The following LINGO2 variants were observed in gnomAD, a reference collection of about 807,000 sequenced individuals.
LINGO2 encodes leucine-rich repeat and immunoglobulin-like domain-containing nogo receptor-interacting protein 2.
Under a neutral mutation model 30.6 loss-of-function variants are expected in LINGO2, and 14 were observed. The ratio of observed to expected loss-of-function variants is 0.46; its 90% confidence interval spans 0.30 to 0.72. The LOEUF (loss-of-function observed/expected upper bound fraction) is 0.72. Ranked by LOEUF, LINGO2 falls within the 30% of genes least tolerant of loss-of-function variation. LINGO2 has a pLI of 0.07. For missense variants in LINGO2, 729 were observed against 751.7 expected, an observed-to-expected ratio of 0.97 and a Z score of 0.35; for synonymous variants, 317 against 288.5, an observed-to-expected ratio of 1.10 and a Z score of -1.00.
intron 4 of LINGO2, among the ~76,000 whole-genome samples, chr9:28,245,426 C>T (rs545935610): frequency 6.6e-6 from 1 of 152,226 alleles, no homozygotes; most frequent in South Asian, 2.1e-4. Context: ...CACTCCTATT[C>T]AACATAGTAT....
At chr9:28,443,791 G>A (rs1348688601) in intron 2 of LINGO2, among the ~76,000 whole-genome samples, 1 of 152,174 alleles carries the variant, frequency 6.6e-6, no homozygotes, top group Non-Finnish European at 1.5e-5. Flanking sequence ...ACCACAAACA[G>A]CACGTTGATG....
chr9:28,088,000 C>A (rs1825962845), intron 4 of LINGO2, among the ~76,000 whole-genome samples: 1 of 151,974 alleles, frequency 6.6e-6, no homozygotes, highest in African/African-American at 2.4e-5. Context: ...TATTCCTTGA[C>A]AGTTCATGCT....
chr9:29,044,811 C>A, the LINGO2 span, among the ~76,000 whole-genome samples: 2 of 151,974 alleles, frequency 1.3e-5, no homozygotes, highest in Non-Finnish European at 2.9e-5. Context: ...CTGGAGCCTA[C>A]GTACACTGCT....
intron 4 of LINGO2, among the ~76,000 whole-genome samples, chr9:28,064,797 C>A (rs1229157577): frequency 6.6e-6 from 1 of 152,042 alleles, no homozygotes; most frequent in East Asian, 1.9e-4. Context: ...CAAAACCAAA[C>A]CTGGTGCCTT....
intron 4 of LINGO2, among the ~76,000 whole-genome samples, chr9:28,246,785 G>A (rs754095378): frequency 1.1e-4 from 17 of 152,070 alleles, no homozygotes; most frequent in Non-Finnish European, 2.2e-4. Context: ...CTTCTGCACA[G>A]CAAAAGAAAC....
intron 3 of LINGO2, among the ~76,000 whole-genome samples, chr9:28,301,454 A>G (rs185651601): frequency 1.3e-5 from 2 of 152,182 alleles, no homozygotes; most frequent in East Asian, 3.9e-4. Context: ...CATCAAAATT[A>G]TGAGAGTGTT....
Position 28,301,790 on chromosome 9 carries a change from G to T in LINGO2, c.-245-6424C>A, listed in dbSNP as rs897400274. ...ATACATAATCATCAGGTTTTCCAAG[G>T]TCTAAATGAAATACAGAATGTTAAA... On this transcript the variant is annotated intron_variant, in intron 3 of 5. Transcript: ENST00000379992. 2.5e-4 allele frequency among the ~76,000 whole-genome samples: 38 copies of T among 152,154 alleles called. 1 individual carries two copies. Among genetic ancestry groups the T allele is most frequent in the African/African-American group, 8.7e-4 (36 of 41,526 alleles).
intron 1 of LINGO2, among the ~76,000 whole-genome samples, chr9:28,630,891 GAA>G (rs66593842): frequency 0.085 from 11,945 of 140,384 alleles, 659 homozygotes; most frequent in Admixed American, 0.21. Flanking sequence ...TGCACATAAA[GAA>G]AAAAAAAAAA....
intron 2 of LINGO2, among the ~76,000 whole-genome samples, chr9:28,461,533 A>G (rs925174770): frequency 1.3e-5 from 2 of 152,206 alleles, no homozygotes; most frequent in Non-Finnish European, 2.9e-5. Flanking sequence ...AAGAAATGTT[A>G]GATTCTTAAA....
chr9:28,883,306 T>C, the LINGO2 span, among the ~76,000 whole-genome samples: 777 of 152,138 alleles, frequency 5.1e-3, 15 homozygotes, highest in East Asian at 0.053. Flanking sequence ...GTGATTCTCC[T>C]ACCTCACAGG....
intron 3 of LINGO2, among the ~76,000 whole-genome samples, chr9:28,339,750 C>T (rs10491897): frequency 0.22 from 33,584 of 152,098 alleles, 4,522 homozygotes; most frequent in Non-Finnish European, 0.3. Flanking sequence ...ATATTATTTA[C>T]TGTTTCCAGG....
chr9:28,419,010 TC>T (rs1823081583), intron 2 of LINGO2, among the ~76,000 whole-genome samples: 1 of 152,166 alleles, frequency 6.6e-6, no homozygotes, highest in East Asian at 1.9e-4. Flanking sequence ...TTTTGATCAG[TC>T]CAGAGTAAGT....
At chr9:28,532,106 ACT>A (rs1364337942) in intron 1 of LINGO2, among the ~76,000 whole-genome samples, 1 of 151,978 alleles carries the variant, frequency 6.6e-6, no homozygotes, top group Non-Finnish European at 1.5e-5. Flanking sequence ...GAGAGCAAGG[ACT>A]CTCATTTTAA....
At chr9:28,030,117 C>T (rs945192404) in intron 4 of LINGO2, among the ~76,000 whole-genome samples, 4 of 152,178 alleles carry the variant, frequency 2.6e-5, no homozygotes, top group African/African-American at 7.2e-5. Flanking sequence ...TTGGCTATCA[C>T]TGATCATTCA....
the LINGO2 span, among the ~76,000 whole-genome samples, chr9:29,061,488 A>T: frequency 1.3e-5 from 2 of 151,972 alleles, no homozygotes; most frequent in African/African-American, 4.8e-5. Context: ...AAAAAAATAC[A>T]TACAGACCAA....
chr9:28,797,083 G>A, the LINGO2 span, among the ~76,000 whole-genome samples: 2 of 151,248 alleles, frequency 1.3e-5, no homozygotes, highest in Non-Finnish European at 2.9e-5. Flanking sequence ...AAGCAATATA[G>A]CATAGTGTGA....
chr9:27,973,976 C>T (rs375653546), intron 5 of LINGO2, among the ~76,000 whole-genome samples: 1 of 152,270 alleles, frequency 6.6e-6, no homozygotes, highest in African/African-American at 2.4e-5. Context: ...ACCCTTTTCT[C>T]TTCTACTCAA....
At chr9:28,042,843 TC>T (rs1824256815) in intron 4 of LINGO2, among the ~76,000 whole-genome samples, 1 of 152,214 alleles carries the variant, frequency 6.6e-6, no homozygotes, top group South Asian at 2.1e-4. Flanking sequence ...AAATAAGAGT[TC>T]TGATTAATAT....
chr9:28,659,362 T>A (rs568250043), intron 1 of LINGO2, among the ~76,000 whole-genome samples: 33 of 152,040 alleles, frequency 2.2e-4, no homozygotes, highest in African/African-American at 7.7e-4. Flanking sequence ...CTAAAGCCAA[T>A]GAAAAAATAT....
Sources: gnomAD v4.1 joint callset for allele counts (sites outside exome capture counted in the v4.1 genomes callset) on GRCh38, gnomAD v4.1.1 for gene constraint, MANE v1.5 for transcripts, NCBI Gene and HGNC (gene_info 2026-07-23, HGNC 2026-07-21) for gene names.